The following CAMSAP3 variants were observed in gnomAD, a reference collection of about 807,000 sequenced individuals.
The protein encoded by CAMSAP3 is calmodulin regulated spectrin associated protein family member 3.
In CAMSAP3, 34 loss-of-function variants were observed where a neutral mutation model predicts 112.5. That is an observed-to-expected ratio of 0.30 (90% CI 0.23 to 0.40). The LOEUF (loss-of-function observed/expected upper bound fraction) is 0.40, where lower values mean the gene tolerates loss of function less well. Among genes scored for constraint, CAMSAP3 ranks in the 10% least tolerant of loss-of-function variants. The pLI is 1.00. For synonymous variants in CAMSAP3, 868 were observed against 799.8 expected (o/e 1.09, Z -1.44); for missense variants, 1,602 against 1,770.3 (o/e 0.90, Z 1.71).
chr19:7,617,486 C>A lies in CAMSAP3; in HGVS notation c.3325+48C>A. On this transcript the variant is annotated intron_variant, in intron 15 of 16. Coordinates refer to ENST00000160298, the MANE Select transcript of CAMSAP3 (RefSeq NM_020902.2). The surrounding 1 kb of genome is among the most constrained non-coding windows in gnomAD (Gnocchi z 7.5). ...GTGAGGAGCAACAGGCACCCTCCTC[C>A]ACAGCCCCTGCTCATTCCTGCTGCC... 1 of 1,608,416 alleles carries A rather than the reference C, an allele frequency of 6.2e-7. No individual in the cohort carries two copies.
intron 4 of CAMSAP3, 112 bp downstream of exon 4, chr19:7,606,683 T>A (rs963258499): frequency 8.3e-6 from 13 of 1,567,866 alleles, no homozygotes; most frequent in Non-Finnish European, 9.6e-6. Context: ...GGTGACACAC[T>A]CTCTCTTTCT....
Position 7,617,460 on chromosome 19 carries a change from T to C in CAMSAP3, c.3325+22T>C. 1.2e-6 allele frequency: 2 copies of C among 1,609,396 alleles called. No homozygotes were observed. The highest frequency in any genetic ancestry group is 8.5e-7 in the Non-Finnish European group (1 of 1,175,776). On this transcript the variant is annotated intron_variant, in intron 15 of 16. Coordinates refer to ENST00000160298, the MANE Select transcript of CAMSAP3 (RefSeq NM_020902.2). The surrounding 1 kb of genome is among the most constrained non-coding windows in gnomAD (Gnocchi z 7.5). ...ACAGGTAAGCAGGGGCTCTGGGTGATGTGAGGAGCAACAGGCACCCTCCTC... is the reference window on the plus strand; with the variant it reads ...ACAGGTAAGCAGGGGCTCTGGGTGACGTGAGGAGCAACAGGCACCCTCCTC...
At chr19:7,608,301 G>T (rs1303212958) in intron 5 of CAMSAP3, 37 bp downstream of exon 5, 2 of 1,588,554 alleles carry the variant, frequency 1.3e-6, no homozygotes, top group Admixed American at 3.4e-5. Flanking sequence ...TTGTGCCGGG[G>T]AGCTGGGCAT....
rs923832934 is a variant in CAMSAP3 at position 7,617,223 on chromosome 19, C to T, written c.3213-103C>T. On this transcript the variant is annotated intron_variant, in intron 14 of 16. Coordinates refer to ENST00000160298, the MANE Select transcript of CAMSAP3 (RefSeq NM_020902.2). The surrounding 1 kb of genome is among the most constrained non-coding windows in gnomAD (Gnocchi z 7.5). ...TGAGCCACGATGCCCAGCCGTGGCCCTTATTTTCCTTGGCCCCTCTGCACA... is the reference window on the plus strand; with the variant it reads ...TGAGCCACGATGCCCAGCCGTGGCCTTTATTTTCCTTGGCCCCTCTGCACA... 2 of 830,984 alleles carry T rather than the reference C, an allele frequency of 2.4e-6. No homozygotes were observed. The highest frequency in any genetic ancestry group is 4.1e-6 in the Non-Finnish European group (2 of 482,974). 51.5% of individuals were successfully genotyped at this position (830,984 alleles called of 1,614,324 possible).
rs781709631 is a variant in CAMSAP3, at chr19:7,606,250, C to T, written c.403-21C>T. Reference sequence around the variant, plus strand: ...CCTCCTGCAGCTCTCAGGTCTCACCCTCTAGCGCTTGCCCCCACAGGGAGC... The same window carrying T: ...CCTCCTGCAGCTCTCAGGTCTCACCTTCTAGCGCTTGCCCCCACAGGGAGC... On this transcript the variant is annotated intron_variant, in intron 2 of 16. Transcript: ENST00000160298. 1.9e-6 allele frequency: 3 copies of T among 1,611,588 alleles called. No homozygotes were observed. In the South Asian group the frequency reaches 3.3e-5, roughly 18 times the overall value.
At chr19:7,609,668 A>G (rs911549164) in intron 5 of CAMSAP3, among the ~76,000 whole-genome samples, 1 of 152,156 alleles carries the variant, frequency 6.6e-6, no homozygotes, top group African/African-American at 2.4e-5. Flanking sequence ...TGTAACATAG[A>G]ATGAAATAAT....
intron 2 of CAMSAP3, 117 bp from the exon 3 acceptor site, chr19:7,606,154 C>CCCCCCCCCCCCCCCCCCCA: frequency 2.0e-6 from 1 of 488,850 alleles, no homozygotes; most frequent in Non-Finnish European, 3.5e-6. Flanking sequence ...CCCTCAAGCC[C>CCCCCCCCCCCCCCCCCCCA]CACCCCCCCC....
rs1291725535 is a variant in CAMSAP3 at position 7,612,700 on chromosome 19, C to T, written c.2207C>T (p.Ser736Phe). The T allele has an allele frequency of 3.9e-6, 6 of 1,520,294 alleles. No individual in the cohort carries two copies. The highest frequency in any genetic ancestry group is 5.3e-6 in the Non-Finnish European group (6 of 1,137,068). The allele number at this position is 1,520,294 out of a possible 1,614,324, so 94.2% of individuals were successfully genotyped here. The change falls in exon 11 of 17, where the codon TCC (serine) becomes TTC (phenylalanine). Residue 736 changes from serine to phenylalanine, a missense_variant. By Grantham distance (155) the Ser-to-Phe change is radical (BLOSUM62 -2). Around this residue, in one of 6 missense-constraint regions of CAMSAP3, gnomAD observed 1,100 missense variants for 1,135.7 expected, o/e 0.97. Transcript: ENST00000160298. Reference sequence around the variant, plus strand: ...CTGGCCCCGCCCGAGGCCCCCGGATCCGCCCCACCACCTGCTGCGTGGGTC... The same window carrying T: ...CTGGCCCCGCCCGAGGCCCCCGGATTCGCCCCACCACCTGCTGCGTGGGTC... ...RLLAPPEAPGSAPPPAAWVIP... is the reference protein window; with the variant it reads ...RLLAPPEAPGFAPPPAAWVIP...
In CAMSAP3 at chr19:7,618,155, C is replaced by A; in HGVS notation, c.*98C>A. 1 of 1,366,714 alleles carries A rather than the reference C, an allele frequency of 7.3e-7. No homozygotes were observed. The highest frequency in any genetic ancestry group is 9.9e-7 in the Non-Finnish European group (1 of 1,008,570). 84.7% of individuals were successfully genotyped at this position (1,366,714 alleles called of 1,614,324 possible). A position where few individuals can be genotyped will look rare whatever the true frequency, so the allele number is the denominator to read the frequency against. On this transcript the variant is annotated 3_prime_UTR_variant, in exon 17 of 17. Coordinates refer to ENST00000160298, the MANE Select transcript of CAMSAP3 (RefSeq NM_020902.2). ...ATTCCTGGGTCCTGTCTGTCCCCAACCGTGTCTGGGTGGGGCTGGAGTCTC... is the reference window on the plus strand; with the variant it reads ...ATTCCTGGGTCCTGTCTGTCCCCAAACGTGTCTGGGTGGGGCTGGAGTCTC...
rs888893073 is a variant in CAMSAP3 at position 7,615,708 on chromosome 19, G to A, written c.3101G>A (p.Arg1034His). 24 of 1,405,508 alleles carry A rather than the reference G, an allele frequency of 1.7e-5. No homozygotes were observed. The highest frequency in any genetic ancestry group is 2.1e-5 in the Non-Finnish European group (23 of 1,086,670). 87.1% of individuals were successfully genotyped at this position (1,405,508 alleles called of 1,614,324 possible). Residue 1034 changes from arginine (R) to histidine (H), a missense_variant, in exon 13 of 17, where the codon CGC (arginine) becomes CAC (histidine). Arg to His is a conservative substitution (Grantham distance 29). Transcript: ENST00000160298. The surrounding 1 kb of genome is among the most constrained non-coding windows in gnomAD (Gnocchi z 6.5). ...DDSALARSPA[R>H]GLLGSRLSKI... ...TCAGCCCTGGCACGAAGCCCAGCCC[G>A]CGGCCTGCTGGGTGAGGACCCTTGG...
Position 7,617,237 on chromosome 19 carries a change from C to T in CAMSAP3, c.3213-89C>T. On this transcript the variant is annotated intron_variant, in intron 14 of 16. Transcript: ENST00000160298. The surrounding 1 kb of genome is among the most constrained non-coding windows in gnomAD (Gnocchi z 7.5). ...CAGCCGTGGCCCTTATTTTCCTTGGCCCCTCTGCACATAGGGAAGCTTCCC... is the reference window on the plus strand; with the variant it reads ...CAGCCGTGGCCCTTATTTTCCTTGGTCCCTCTGCACATAGGGAAGCTTCCC... 1.1e-6 allele frequency: 1 copy of T among 918,396 alleles called. No homozygotes were observed. Among genetic ancestry groups the T allele is most frequent in the Non-Finnish European group, 1.8e-6 (1 of 556,102 alleles). 56.9% of individuals were successfully genotyped at this position (918,396 alleles called of 1,614,324 possible).
intron 2 of CAMSAP3, 116 bp from the exon 3 acceptor site, chr19:7,606,155 C>CCCCCCCCCCCCCCCCA: frequency 5.9e-6 from 3 of 512,022 alleles, no homozygotes; most frequent in South Asian, 3.9e-5. Context: ...CCTCAAGCCC[C>CCCCCCCCCCCCCCCCA]ACCCCCCCCG....
Position 7,612,495 on chromosome 19 carries a change from G to A in CAMSAP3, c.2002G>A (p.Ala668Thr). The change falls in exon 11 of 17, where the codon GCA becomes ACA. Residue 668 changes from alanine to threonine, a missense_variant. This residue lies in a region of CAMSAP3 where 1,100 missense variants were observed against 1,135.7 expected (regional missense o/e 0.97). Transcript: ENST00000160298. ...TCCAGTCCCTGGTGGGGAGCGGCCC[G>A]CAGGCGAGGGCCAGGGTGAGCCAAC... ...SGPVPGGERP[A>T]GEGQGEPTSR... 6.5e-7 allele frequency: 1 copy of A among 1,546,998 alleles called. No homozygotes were observed. The highest frequency in any genetic ancestry group is 1.9e-5 in the Admixed American group (1 of 51,640).
chr19:7,615,525 G>A lies in CAMSAP3; in HGVS notation c.2918G>A (p.Arg973Gln). Residue 973 changes from arginine to glutamine, a missense_variant, in exon 13 of 17, where the codon CGG becomes CAG. Physicochemically the swap from Arg to Gln is conservative, Grantham distance 43. This residue lies in a region of CAMSAP3 where 1,100 missense variants were observed against 1,135.7 expected (regional missense o/e 0.97). Transcript: ENST00000160298. This position sits in a 1 kb window ranked among gnomAD's most constrained non-coding sequence, Gnocchi z 6.5. ...CCAGCCGAGGAGGAGGTGGGCCCCC[G>A]GAAGGGGGACTTCACGCGGCAGGAG... ...RAPAEEEVGP[R>Q]KGDFTRQEYE... 2.0e-6 allele frequency: 3 copies of A among 1,535,088 alleles called. No homozygotes were observed. Among genetic ancestry groups the A allele is most frequent in the East Asian group, 2.5e-5 (1 of 40,606 alleles).
Position 7,611,206 on chromosome 19 carries a change from C to T in CAMSAP3, c.1123+38C>T, listed in dbSNP as rs1323384046. ...TAGGTGGCTTCTGTCACGGGGGACC[C>T]CCCCACTCACAGACTGCCCCAGTGG... On this transcript the variant is annotated intron_variant, in intron 9 of 16. Transcript: ENST00000160298. The surrounding 1 kb of genome is among the most constrained non-coding windows in gnomAD (Gnocchi z 6.9). 1 of 1,598,636 alleles carries T rather than the reference C, an allele frequency of 6.3e-7. No individual in the cohort carries two copies. The highest frequency in any genetic ancestry group is 2.2e-5 in the East Asian group (1 of 44,824).
intron 1 of CAMSAP3, among the ~76,000 whole-genome samples, chr19:7,598,975 C>T (rs1055410238): frequency 6.6e-6 from 1 of 151,832 alleles, no homozygotes; most frequent in Non-Finnish European, 1.5e-5. Context: ...TAATAAGTGT[C>T]GTAAGGATTA....
At position 7,606,373 on chromosome 19, in the gene CAMSAP3, C is replaced by T; in HGVS notation, c.505C>T (p.Leu169=). The change falls in exon 3 of 17, where the codon CTG becomes TTG. Residue 169 remains leucine (L), a synonymous_variant. Coordinates refer to ENST00000160298, the MANE Select transcript of CAMSAP3 (RefSeq NM_020902.2). ...PLALTSLEHK[L]LFWVDTTVRR... ...GGCCCTGACCAGCTTGGAGCACAAG[C>T]TGCTTTTCTGGGTGGACACGGTAGG... 1 of 1,613,848 alleles carries T rather than the reference C, an allele frequency of 6.2e-7. No homozygotes were observed. Among genetic ancestry groups the T allele is most frequent in the Non-Finnish European group, 8.5e-7 (1 of 1,180,006 alleles).
At chr19:7,604,949 T>G (rs2030130062) in intron 1 of CAMSAP3, among the ~76,000 whole-genome samples, 1 of 152,062 alleles carries the variant, frequency 6.6e-6, no homozygotes, top group South Asian at 2.1e-4. Context: ...CTTTCCACTC[T>G]AAGTGCCCAT....
At chr19:7,599,172 A>G (rs1428535528) in intron 1 of CAMSAP3, among the ~76,000 whole-genome samples, 4 of 151,710 alleles carry the variant, frequency 2.6e-5, no homozygotes, top group African/African-American at 9.7e-5. Flanking sequence ...TCCTGTCTCA[A>G]TCAGCCTTCC....
Sources: gnomAD v4.1 joint callset for allele counts (sites outside exome capture counted in the v4.1 genomes callset) on GRCh38, gnomAD v4.1.1 for gene constraint, gnomAD v4.1.1 regional missense constraint, Gnocchi (gnomAD v3.1) non-coding constraint, MANE v1.5 for transcripts, NCBI Gene and HGNC (gene_info 2026-07-23, HGNC 2026-07-21) for gene names.